Variants in ZNF704 observed in about 807,000 individuals in gnomAD.
ZNF704 encodes zinc finger protein 704, also known as glucocorticoid induced gene 1.
In ZNF704, 10 loss-of-function variants were observed where a neutral mutation model predicts 44.7. That is an observed-to-expected ratio of 0.22 (90% CI 0.14 to 0.38). ZNF704 has a LOEUF of 0.38. ZNF704 is among the 10% of genes least tolerant of loss of function. ZNF704 has a pLI of 1.00. For synonymous variants in ZNF704, 211 were observed against 207.6 expected (o/e 1.02, Z -0.14); for missense variants, 390 against 545.5 (o/e 0.71, Z 2.84).
At chr8:80,661,754 T>TA (rs1818105910) in intron 6 of ZNF704, among the ~76,000 whole-genome samples, 2 of 151,882 alleles carry the variant, frequency 1.3e-5, no homozygotes, top group South Asian at 4.2e-4. Flanking sequence ...GTCATGGAGG[T>TA]AGAGAATAAA....
chr8:80,802,668 T>G (rs1308238444), intron 2 of ZNF704, among the ~76,000 whole-genome samples: 1 of 152,090 alleles, frequency 6.6e-6, no homozygotes, highest in African/African-American at 2.4e-5. Context: ...CTCAATAAAC[T>G]AGATACTGAA....
the ZNF704 span, among the ~76,000 whole-genome samples, chr8:80,882,591 G>A: frequency 6.6e-6 from 1 of 151,976 alleles, no homozygotes; most frequent in Non-Finnish European, 1.5e-5. Flanking sequence ...ATTTACATAT[G>A]GGCCTTTCTT....
chr8:80,639,586 C>T lies in ZNF704; in HGVS notation c.*1780G>A, dbSNP rs1817712318. On this transcript the variant is annotated 3_prime_UTR_variant, in exon 9 of 9. Coordinates refer to ENST00000327835, the MANE Select transcript of ZNF704 (RefSeq NM_001033723.3). ...GAAAAAAATAAATGAAGAAAAAAAC[C>T]AGGATCTCTTCCAAGGAGTAATTTT... 1.3e-5 allele frequency: 2 copies of T among 151,928 alleles called. No homozygotes were observed. The highest frequency in any genetic ancestry group is 1.5e-5 in the Non-Finnish European group (1 of 67,996). 9.4% of individuals were successfully genotyped at this position (151,928 alleles called of 1,614,324 possible). A position where few individuals can be genotyped will look rare whatever the true frequency, so the allele number is the denominator to read the frequency against.
chr8:80,865,028 A>G (rs1199094788), intron 1 of ZNF704, among the ~76,000 whole-genome samples: 6 of 152,278 alleles, frequency 3.9e-5, no homozygotes, highest in Non-Finnish European at 8.8e-5. Flanking sequence ...AGCTCACCAC[A>G]TATTATGACG....
At chr8:80,759,564 C>T (rs77556859) in intron 2 of ZNF704, among the ~76,000 whole-genome samples, 2,541 of 152,216 alleles carry the variant, frequency 0.017, 76 homozygotes, top group African/African-American at 0.058. Context: ...GCTCTGATGA[C>T]GTTGTCATGG....
chr8:80,717,243 G>A (rs765568369), intron 2 of ZNF704, among the ~76,000 whole-genome samples: 14 of 152,300 alleles, frequency 9.2e-5, no homozygotes, highest in South Asian at 8.3e-4. Context: ...TGGTTGCTCT[G>A]CCACACCACC....
chr8:80,766,527 T>C (rs79291532), intron 2 of ZNF704, among the ~76,000 whole-genome samples: 9,133 of 152,272 alleles, frequency 0.06, 313 homozygotes, highest in Middle Eastern at 0.13. Context: ...TATCTCCAAT[T>C]AAAAGAGACT....
chr8:80,796,471 A>C (rs941433103), intron 2 of ZNF704, among the ~76,000 whole-genome samples: 2 of 152,232 alleles, frequency 1.3e-5, no homozygotes, highest in Admixed American at 1.3e-4. Flanking sequence ...TTGGAAATTA[A>C]GCTTCAACAT....
At chr8:80,879,836 G>A in the ZNF704 span, among the ~76,000 whole-genome samples, 3 of 152,108 alleles carry the variant, frequency 2.0e-5, no homozygotes, top group African/African-American at 7.2e-5. Context: ...TATCTCTGAG[G>A]CTTTTCTCTC....
intron 2 of ZNF704, among the ~76,000 whole-genome samples, chr8:80,741,149 T>C (rs548864663): frequency 2.0e-5 from 3 of 152,334 alleles, no homozygotes; most frequent in African/African-American, 7.2e-5. Flanking sequence ...TTCTGCCGAA[T>C]ATGGATTCCC....
intron 2 of ZNF704, among the ~76,000 whole-genome samples, chr8:80,803,884 G>A (rs1186068327): frequency 3.3e-5 from 5 of 152,120 alleles, no homozygotes; most frequent in Admixed American, 2.6e-4. Flanking sequence ...ACTATCATCA[G>A]AGTGAACACA....
At chr8:80,686,437 A>G (rs1818536562) in intron 4 of ZNF704, among the ~76,000 whole-genome samples, 1 of 152,156 alleles carries the variant, frequency 6.6e-6, no homozygotes, top group South Asian at 2.1e-4. Context: ...ACTGGAGTGC[A>G]GTGGCCAGAT....
Position 80,633,890 on chromosome 8 carries a change from C to A in ZNF704, c.*7476G>T, listed in dbSNP as rs1284188186. The A allele has an allele frequency of 6.6e-6, 1 of 152,164 alleles. No individual in the cohort carries two copies. Among genetic ancestry groups the A allele is most frequent in the Non-Finnish European group, 1.5e-5 (1 of 68,016 alleles). 9.4% of individuals were successfully genotyped at this position (152,164 alleles called of 1,614,324 possible). ...CATGACATAATTTATTCTCATTTTG[C>A]TTTCCCCTCAAAGATGCTAGGGTTT... On this transcript the variant is annotated 3_prime_UTR_variant, in exon 9 of 9. Coordinates refer to ENST00000327835, the MANE Select transcript of ZNF704 (RefSeq NM_001033723.3).
rs1817730191 is a variant in ZNF704 at position 80,640,827 on chromosome 8, G to A, written c.*539C>T. Reference sequence around the variant, plus strand: ...CAAAAAGCCATAGAAAAGATGCCCAGAGTGCTGCGCTGTCTTGCAACACAT... The same window carrying A: ...CAAAAAGCCATAGAAAAGATGCCCAAAGTGCTGCGCTGTCTTGCAACACAT... On this transcript the variant is annotated 3_prime_UTR_variant, in exon 9 of 9. Coordinates refer to ENST00000327835, the MANE Select transcript of ZNF704 (RefSeq NM_001033723.3). The A allele has an allele frequency of 6.6e-6, 1 of 152,402 alleles. No individual in the cohort carries two copies. The highest frequency in any genetic ancestry group is 1.5e-5 in the Non-Finnish European group (1 of 68,096). 9.4% of individuals were successfully genotyped at this position (152,402 alleles called of 1,614,324 possible).
At chr8:80,857,290 C>T (rs959911505) in intron 1 of ZNF704, among the ~76,000 whole-genome samples, 2 of 152,140 alleles carry the variant, frequency 1.3e-5, no homozygotes, top group Non-Finnish European at 2.9e-5. Flanking sequence ...GGCAGACATC[C>T]TTGCCTTATT....
At chr8:80,685,536 G>T (rs986478027) in intron 4 of ZNF704, among the ~76,000 whole-genome samples, 1 of 152,174 alleles carries the variant, frequency 6.6e-6, no homozygotes, top group South Asian at 2.1e-4. Context: ...CTGCCTGCAG[G>T]TACCCACTGA....
At chr8:80,841,407 T>C (rs1468501095) in intron 1 of ZNF704, among the ~76,000 whole-genome samples, 1 of 152,148 alleles carries the variant, frequency 6.6e-6, no homozygotes, top group African/African-American at 2.4e-5. Flanking sequence ...TCTTTTTTTT[T>C]CCCTTTGCAG....
chr8:80,726,744 G>C (rs538321790), intron 2 of ZNF704, among the ~76,000 whole-genome samples: 11 of 151,974 alleles, frequency 7.2e-5, no homozygotes, highest in Admixed American at 6.6e-4. Flanking sequence ...AACAAAACAG[G>C]CCTTTTTCAT....
intron 2 of ZNF704, among the ~76,000 whole-genome samples, chr8:80,751,054 A>C (rs543587631): frequency 3.3e-5 from 5 of 152,352 alleles, no homozygotes; most frequent in African/African-American, 9.6e-5. Flanking sequence ...CAATGTAGAT[A>C]ACTGTGTTTT....
Sources: allele counts gnomAD v4.1 joint callset (sites outside exome capture counted in the v4.1 genomes callset), GRCh38; gene constraint gnomAD v4.1.1; transcripts MANE v1.5; gene names NCBI Gene and HGNC (gene_info 2026-07-23, HGNC 2026-07-21).